The following APOL4 variants were observed in gnomAD, a reference collection of about 807,000 sequenced individuals.
APOL4 encodes apolipoprotein L, 4.
In APOL4, 14 loss-of-function variants were observed where a neutral mutation model predicts 12.1. The observed-to-expected ratio is 1.16, with a 90% CI of 0.76 to 1.81. The LOEUF (loss-of-function observed/expected upper bound fraction) is 1.81, where lower values mean the gene tolerates loss of function less well. Ranked by LOEUF, APOL4 falls within the 40% of genes most tolerant of loss-of-function variation. The pLI is 0.00. For missense variants in APOL4, 432 were observed against 423.1 expected, an observed-to-expected ratio of 1.02 and a Z score of -0.18; for synonymous variants, 171 against 160.6, an observed-to-expected ratio of 1.06 and a Z score of -0.49.
intron 1 of APOL4, among the ~76,000 whole-genome samples, chr22:36,201,206 A>G (rs2014562279): frequency 6.6e-6 from 1 of 150,660 alleles, no homozygotes; most frequent in South Asian, 2.2e-4. Context: ...AAGCATTACC[A>G]TTGTTCTTTT....
intron 3 of APOL4, among the ~76,000 whole-genome samples, chr22:36,193,750 A>G (rs1489428852): frequency 6.6e-6 from 1 of 152,190 alleles, no homozygotes; most frequent in Non-Finnish European, 1.5e-5. Context: ...CTCTCTTCCA[A>G]TGCCTCATGC....
At position 36,201,775 on chromosome 22, in the gene APOL4, G is replaced by A. The variant is rs748163202; in HGVS notation, c.-41C>T. ...TTGGCCTGGCTCAGACGCTGATCTG[G>A]GGCCTCTGCTGAATGTTGAGGCTGG... On this transcript the variant is annotated 5_prime_UTR_variant, in exon 1 of 4. Coordinates refer to ENST00000683024, the MANE Select transcript of APOL4 (RefSeq NM_001386885.1). The A allele has an allele frequency of 1.2e-5, 19 of 1,592,982 alleles. No individual in the cohort carries two copies. Among genetic ancestry groups the A allele is most frequent in the Non-Finnish European group, 1.5e-5 (18 of 1,169,550 alleles).
At chr22:36,200,029 G>A (rs1191676915) in intron 1 of APOL4, among the ~76,000 whole-genome samples, 3 of 151,860 alleles carry the variant, frequency 2.0e-5, no homozygotes, top group South Asian at 2.1e-4. Context: ...GGATGGTCTC[G>A]ATCTCCTGAC....
chr22:36,198,112 C>T (rs535584907), intron 2 of APOL4, among the ~76,000 whole-genome samples: 10 of 152,310 alleles, frequency 6.6e-5, no homozygotes, highest in East Asian at 3.9e-4. Flanking sequence ...CTTCTGAGTC[C>T]GCCTGCACTC....
At chr22:36,195,620 C>T (rs1449280845) in intron 2 of APOL4, among the ~76,000 whole-genome samples, 183 bp from the exon 3 acceptor site, 2 of 152,014 alleles carry the variant, frequency 1.3e-5, no homozygotes, top group African/African-American at 4.8e-5. Context: ...AGGCTCTAAA[C>T]CCCAGTGACC....
intron 1 of APOL4, chr22:36,201,455 G>C: frequency 1.1e-6 from 1 of 893,246 alleles, no homozygotes; most frequent in Non-Finnish European, 1.6e-6. Context: ...TGCAACAAGG[G>C]TAAAAGGGGG....
intron 2 of APOL4, among the ~76,000 whole-genome samples, 193 bp from the exon 3 acceptor site, chr22:36,195,630 C>T (rs5995243): frequency 2.0e-5 from 3 of 151,720 alleles, no homozygotes; most frequent in Non-Finnish European, 4.4e-5. Flanking sequence ...CCCCAGTGAC[C>T]GTATTTGGAG....
At chr22:36,192,783 G>A (rs1310055464) in intron 3 of APOL4, among the ~76,000 whole-genome samples, 1 of 152,172 alleles carries the variant, frequency 6.6e-6, no homozygotes, top group East Asian at 1.9e-4. Context: ...GCTATTAGGT[G>A]TCTCATCTGC....
upstream of APOL4, among the ~76,000 whole-genome samples, chr22:36,203,584 A>G (rs2014645440): frequency 6.6e-6 from 1 of 152,214 alleles, no homozygotes; most frequent in Non-Finnish European, 1.5e-5. Context: ...AATTGCAACA[A>G]AAGCTGGTTA....
Position 36,191,205 on chromosome 22 carries a change from A to T in APOL4, c.917T>A (p.Val306Glu). The change falls in exon 4 of 4, where the codon GTG (valine) becomes GAG (glutamate). Residue 306 changes from valine to glutamate, a missense_variant. Physicochemically the swap from Val to Glu is moderately radical, Grantham distance 121 (BLOSUM62 -2). Transcript: ENST00000683024. ...CTTGTGCAAGTCCAGTGAGTCTTGC[A>T]CAAGGTTGACTACATCCAGCACAAC... Reference protein sequence around the residue: ...VLVVLDVVNLVQDSLDLHKGA... With the variant: ...VLVVLDVVNLEQDSLDLHKGA... 6.2e-7 allele frequency: 1 copy of T among 1,613,942 alleles called. No homozygotes were observed. The highest frequency in any genetic ancestry group is 1.3e-5 in the African/African-American group (1 of 75,050).
chr22:36,200,193 G>GA lies in APOL4; in HGVS notation c.36-818dup, dbSNP rs558479431. 1.1e-3 allele frequency among the ~76,000 whole-genome samples: 168 copies of GA among 152,330 alleles called. 1 individual carries two copies. The highest frequency in any genetic ancestry group is 1.7e-3 in the Non-Finnish European group (113 of 68,022). ...GGTACCACTTTCCCATTTGAACACAGAGGAATCCACAAAAGTTAGGGAACT... is the reference window on the plus strand; with the variant it reads ...GGTACCACTTTCCCATTTGAACACAGAAGGAATCCACAAAAGTTAGGGAACT... On this transcript the variant is annotated intron_variant, in intron 1 of 3. Transcript: ENST00000683024.
chr22:36,196,890 T>C (rs897065849), intron 2 of APOL4, among the ~76,000 whole-genome samples: 1 of 152,106 alleles, frequency 6.6e-6, no homozygotes, highest in African/African-American at 2.4e-5. Flanking sequence ...AGTATACCTG[T>C]GGGGTTTTAA....
intron 3 of APOL4, among the ~76,000 whole-genome samples, chr22:36,193,072 C>G (rs2014308420): frequency 6.6e-6 from 1 of 152,236 alleles, no homozygotes; most frequent in Admixed American, 6.5e-5. Flanking sequence ...GAGGATCCCC[C>G]CAGCTTGCTG....
chr22:36,201,997 T>A (rs1429696419), upstream of APOL4: 1 of 1,614,104 alleles, frequency 6.2e-7, no homozygotes, highest in East Asian at 2.2e-5. Flanking sequence ...GCTCACCAGA[T>A]GCAGACGACA....
chr22:36,199,477 G>T (rs1048705736), intron 1 of APOL4, 101 bp from the exon 2 acceptor site: 2 of 1,613,026 alleles, frequency 1.2e-6, no homozygotes, highest in Non-Finnish European at 1.7e-6. Flanking sequence ...TGAGGTGGCA[G>T]CAAATGCCAA....
At chr22:36,193,448 G>A (rs2014319667) in intron 3 of APOL4, among the ~76,000 whole-genome samples, 1 of 152,180 alleles carries the variant, frequency 6.6e-6, no homozygotes, top group Admixed American at 6.5e-5. Flanking sequence ...GCCTCCTGAG[G>A]ACAATGAAGC....
At chr22:36,197,898 C>T (rs1295237185) in intron 2 of APOL4, 4 of 1,478,050 alleles carry the variant, frequency 2.7e-6, no homozygotes, top group African/African-American at 1.4e-5. Flanking sequence ...GGGTCTGACC[C>T]ACCTTTCACC....
At position 36,191,542 on chromosome 22, in the gene APOL4, T is replaced by C; in HGVS notation, c.580A>G (p.Thr194Ala). The C allele has an allele frequency of 1.9e-6, 3 of 1,614,038 alleles. No homozygotes were observed. Among genetic ancestry groups the C allele is most frequent in the South Asian group, 2.2e-5 (2 of 91,084 alleles). Residue 194 changes from threonine to alanine, a missense_variant, in exon 4 of 4, where the codon ACA (threonine) becomes GCA (alanine). Coordinates refer to ENST00000683024, the MANE Select transcript of APOL4 (RefSeq NM_001386885.1). ...CTGGCTGTGAGTTCTGCTGACCTTG[T>C]GTATGTGTTCTCCACGATGCTGGAG... Reference protein sequence around the residue: ...IASSIVENTYTRSAELTASRL... With the variant: ...IASSIVENTYARSAELTASRL...
In APOL4 at chr22:36,201,737, T is replaced by A. The variant is rs373793415; in HGVS notation, c.-3A>T. On this transcript the variant is annotated 5_prime_UTR_variant, in exon 1 of 4. Coordinates refer to ENST00000683024, the MANE Select transcript of APOL4 (RefSeq NM_001386885.1). ...ATGAGCTGCACCCAGGATCCCATCC[T>A]CCTTGGTCATTGTTGGCCTGGCTCA... The A allele has an allele frequency of 1.5e-4, 234 of 1,606,880 alleles. 3 individuals are homozygous for A. The African/African-American group carries it at 2.9e-3, about 20-fold the overall frequency.
Sources: gnomAD v4.1 joint callset for allele counts (sites outside exome capture counted in the v4.1 genomes callset) on GRCh38, gnomAD v4.1.1 for gene constraint, MANE v1.5 for transcripts, NCBI Gene and HGNC (gene_info 2026-07-23, HGNC 2026-07-21) for gene names.